Variants in CDH4 observed in about 807,000 individuals in gnomAD.
CDH4 encodes cadherin 4.
In CDH4, 33 loss-of-function variants were observed where a neutral mutation model predicts 86.0. The observed-to-expected ratio is 0.38, with a 90% CI of 0.29 to 0.51. CDH4 has a LOEUF of 0.51. Among genes scored for constraint, CDH4 ranks in the 20% least tolerant of loss-of-function variants. The pLI is 0.86. For missense variants in CDH4, 1,114 were observed against 1,307.4 expected (o/e 0.85, Z 2.28); for synonymous variants, 555 against 549.4 (o/e 1.01, Z -0.14).
chr20:61,700,324 C>T (rs1435200483), intron 2 of CDH4, among the ~76,000 whole-genome samples: 1 of 152,164 alleles, frequency 6.6e-6, no homozygotes, highest in South Asian at 2.1e-4. Context: ...TCTGACTGGC[C>T]GGGTAGGAAA....
intron 2 of CDH4, among the ~76,000 whole-genome samples, chr20:61,360,739 A>G (rs574756690): frequency 1.8e-4 from 28 of 152,326 alleles, no homozygotes; most frequent in African/African-American, 6.0e-4. Flanking sequence ...TGAACTTCAC[A>G]CAAAATGGAA....
chr20:61,579,123 C>T (rs1207083392), intron 2 of CDH4, among the ~76,000 whole-genome samples: 1 of 152,018 alleles, frequency 6.6e-6, no homozygotes, highest in Non-Finnish European at 1.5e-5. Context: ...ATGGGGGCTT[C>T]CCAAAGGAAA....
chr20:61,526,251 T>TA (rs1364064110), intron 2 of CDH4, among the ~76,000 whole-genome samples: 1 of 151,888 alleles, frequency 6.6e-6, no homozygotes, highest in African/African-American at 2.4e-5. Context: ...TTCGTAGGGA[T>TA]AAACACGACC....
chr20:61,895,152 C>G (rs1600746892), intron 8 of CDH4, 105 bp downstream of exon 8: 2 of 1,367,504 alleles, frequency 1.5e-6, no homozygotes, highest in East Asian at 4.6e-5. Context: ...CTGACGGGCA[C>G]TTGGCAGATA....
rs541443648 is a variant in CDH4 at position 61,544,240 on chromosome 20, T to C, written c.170-199323T>C. Among the ~76,000 whole-genome samples the C allele has an allele frequency of 1.3e-5, 2 of 152,158 alleles. No homozygotes were observed. Among genetic ancestry groups the C allele is most frequent in the East Asian group, 3.9e-4 (2 of 5,144 alleles). Reference sequence around the variant, plus strand: ...TCGGCAATGCCAGAGACCACAGTTGTGTATGTATATGGCGGGGTACGGCTG... The same window carrying C: ...TCGGCAATGCCAGAGACCACAGTTGCGTATGTATATGGCGGGGTACGGCTG... On this transcript the variant is annotated intron_variant, in intron 2 of 15. Transcript: ENST00000614565. This position sits in a 1 kb window ranked among gnomAD's most constrained non-coding sequence, Gnocchi z 6.5.
At chr20:61,926,018 A>G (rs1459341786) in intron 11 of CDH4, among the ~76,000 whole-genome samples, 1 of 152,252 alleles carries the variant, frequency 6.6e-6, no homozygotes, top group Non-Finnish European at 1.5e-5. Flanking sequence ...GACAAAATGT[A>G]GGACTCCGAT....
At chr20:61,415,525 C>T (rs889318914) in intron 2 of CDH4, among the ~76,000 whole-genome samples, 2 of 152,092 alleles carry the variant, frequency 1.3e-5, no homozygotes, top group African/African-American at 4.8e-5. Context: ...TAAACACGCA[C>T]TCCCAGCCGC....
intron 2 of CDH4, among the ~76,000 whole-genome samples, chr20:61,651,867 C>T (rs1391360897): frequency 6.6e-6 from 1 of 152,194 alleles, no homozygotes; most frequent in Non-Finnish European, 1.5e-5. Flanking sequence ...GGGTGGGAAG[C>T]CATCGGGGCT....
intron 2 of CDH4, among the ~76,000 whole-genome samples, 198 bp from the exon 3 acceptor site, chr20:61,743,365 T>C (rs1322141948): frequency 6.6e-6 from 1 of 152,188 alleles, no homozygotes; most frequent in Non-Finnish European, 1.5e-5. Context: ...CTTCCCCCCC[T>C]TTTTTAAAGG....
At chr20:61,566,414 A>G (rs2086298302) in intron 2 of CDH4, among the ~76,000 whole-genome samples, 1 of 152,172 alleles carries the variant, frequency 6.6e-6, no homozygotes. Flanking sequence ...ATGAATTACA[A>G]ACTGGCAGAG....
chr20:61,358,453 G>A (rs2084765586), intron 2 of CDH4, among the ~76,000 whole-genome samples: 1 of 152,228 alleles, frequency 6.6e-6, no homozygotes. Context: ...CTGGGGCAGA[G>A]CGAACATTTC....
chr20:61,268,088 A>G (rs916281701), intron 2 of CDH4, among the ~76,000 whole-genome samples: 4 of 152,176 alleles, frequency 2.6e-5, no homozygotes, highest in Non-Finnish European at 4.4e-5. Context: ...TTCTTCCGAC[A>G]TGTGTGGCTG....
chr20:61,383,125 GAATATATTAT>G (rs1242764572), intron 2 of CDH4, among the ~76,000 whole-genome samples: 110 of 76,466 alleles, frequency 1.4e-3, no homozygotes, highest in Middle Eastern at 7.5e-3. Context: ...GAATATATAT[GAATATATTAT>G]ATATATGAAT....
At chr20:61,858,287 CTG>C (rs1275018097) in intron 6 of CDH4, among the ~76,000 whole-genome samples, 10 of 139,510 alleles carry the variant, frequency 7.2e-5, no homozygotes, top group East Asian at 4.2e-4. Context: ...GTGTCTGTGT[CTG>C]TGTGTGTGTC....
chr20:61,349,794 C>T (rs146748857), intron 2 of CDH4, among the ~76,000 whole-genome samples: 10 of 152,280 alleles, frequency 6.6e-5, no homozygotes, highest in South Asian at 2.1e-4. Flanking sequence ...CAACCATGTA[C>T]GTGGAAAGGA....
chr20:61,390,128 T>A (rs1239929110), intron 2 of CDH4, among the ~76,000 whole-genome samples: 1 of 149,200 alleles, frequency 6.7e-6, no homozygotes, highest in Non-Finnish European at 1.5e-5. Flanking sequence ...TAGTGCCATG[T>A]CTAGGAAACC....
intron 2 of CDH4, among the ~76,000 whole-genome samples, chr20:61,596,556 G>A (rs1426769433): frequency 6.6e-6 from 1 of 152,200 alleles, no homozygotes; most frequent in East Asian, 1.9e-4. Context: ...AAGAGGTGGT[G>A]GAAGATCAGG....
chr20:61,665,961 T>C (rs895858049), intron 2 of CDH4, among the ~76,000 whole-genome samples: 5 of 152,128 alleles, frequency 3.3e-5, no homozygotes, highest in South Asian at 2.1e-4. Context: ...GAAGGTTGGT[T>C]CCTGCAGTTC....
In CDH4 at chr20:61,516,309, C is replaced by T. The variant is rs1458337579; in HGVS notation, c.170-227254C>T. Among the ~76,000 whole-genome samples the T allele has an allele frequency of 6.6e-6, 1 of 152,208 alleles. No homozygotes were observed. Among genetic ancestry groups the T allele is most frequent in the Non-Finnish European group, 1.5e-5 (1 of 68,042 alleles). On this transcript the variant is annotated intron_variant, in intron 2 of 15. Coordinates refer to ENST00000614565, the MANE Select transcript of CDH4 (RefSeq NM_001794.5). This position sits in a 1 kb window ranked among gnomAD's most constrained non-coding sequence, Gnocchi z 4.0. ...TGTTCCTCTTCCTGCTCCTTCCTTA[C>T]ATCCCGTCTATTAATGCCATGGTCC...
Sources: gnomAD v4.1 joint callset for allele counts (sites outside exome capture counted in the v4.1 genomes callset) on GRCh38, gnomAD v4.1.1 for gene constraint, Gnocchi (gnomAD v3.1) non-coding constraint, MANE v1.5 for transcripts, NCBI Gene and HGNC (gene_info 2026-07-23, HGNC 2026-07-21) for gene names.